GUCY1A2: variants seen among roughly 807,000 people sequenced by gnomAD.
GUCY1A2 encodes the protein guanylate cyclase 1 soluble subunit alpha 2, also known as guanylate cyclase soluble subunit alpha-2.
Under a neutral mutation model 63.5 loss-of-function variants are expected in GUCY1A2, and 27 were observed. That is an observed-to-expected ratio of 0.43 (90% CI 0.31 to 0.59). The LOEUF (loss-of-function observed/expected upper bound fraction) is 0.59, where lower values mean the gene tolerates loss of function less well. GUCY1A2 is among the 20% of genes least tolerant of loss of function. The pLI is 0.11. For synonymous variants in GUCY1A2, 364 were observed against 343.5 expected, an observed-to-expected ratio of 1.06 and a Z score of -0.66; for missense variants, 768 against 913.3, an observed-to-expected ratio of 0.84 and a Z score of 2.05.
chr11:106,723,649 C>T (rs1863355289), intron 6 of GUCY1A2, among the ~76,000 whole-genome samples: 1 of 152,176 alleles, frequency 6.6e-6, no homozygotes, highest in African/African-American at 2.4e-5. Context: ...ATGGCAAAGC[C>T]CTGTCTCTAT....
chr11:106,824,331 T>C, intron 4 of GUCY1A2: 1 of 387,512 alleles, frequency 2.6e-6, no homozygotes, highest in Non-Finnish European at 4.4e-6. Context: ...AGAGAGAAAA[T>C]ATAGTTTTCT....
At chr11:106,957,139 T>C (rs1385796841) in intron 3 of GUCY1A2, among the ~76,000 whole-genome samples, 1 of 152,178 alleles carries the variant, frequency 6.6e-6, no homozygotes, top group Non-Finnish European at 1.5e-5. Flanking sequence ...TGGCTCTAGC[T>C]CTAGCAGGGG....
At chr11:106,926,642 C>A (rs1860526817) in intron 4 of GUCY1A2, among the ~76,000 whole-genome samples, 1 of 151,682 alleles carries the variant, frequency 6.6e-6, no homozygotes, top group Admixed American at 6.6e-5. Context: ...AAAGAAGGCT[C>A]CGAACACATT....
chr11:106,995,852 T>C lies in GUCY1A2; in HGVS notation c.304-9721A>G, dbSNP rs113047489. On this transcript the variant is annotated intron_variant, in intron 1 of 7. Coordinates refer to ENST00000526355, the MANE Select transcript of GUCY1A2 (RefSeq NM_000855.3). ...TTCAGCTCATAGGTACCCTACTGGA[T>C]AGGAATGGATCTCATGAGAAAATCA... is the stretch of plus-strand genomic sequence containing the variant. Among the ~76,000 whole-genome samples the C allele has an allele frequency of 3.3e-3, 505 of 152,320 alleles. 3 individuals carry two copies. Among genetic ancestry groups the C allele is most frequent in the African/African-American group, 0.012 (485 of 41,572 alleles).
At chr11:106,963,326 A>G (rs1861084501) in intron 3 of GUCY1A2, among the ~76,000 whole-genome samples, 1 of 152,216 alleles carries the variant, frequency 6.6e-6, no homozygotes, top group Non-Finnish European at 1.5e-5. Flanking sequence ...ACAAGAAGAA[A>G]GCTACATGTC....
rs1862442418 is a variant in GUCY1A2, at chr11:106,682,086, GC to G, written c.*5462del. 4.9e-6 allele frequency: 1 copy of G among 202,802 alleles called. No individual in the cohort carries two copies. Among genetic ancestry groups the G allele is most frequent in the African/African-American group, 2.5e-5 (1 of 40,036 alleles). The allele number at this position is 202,802 out of a possible 1,614,324, so 12.6% of individuals were successfully genotyped here. On this transcript the variant is annotated 3_prime_UTR_variant, in exon 8 of 8. Coordinates refer to ENST00000526355, the MANE Select transcript of GUCY1A2 (RefSeq NM_000855.3). Reference sequence around the variant, plus strand: ...GGTACTGTATCTAGTATGCCTAATAGCCCTATAGTGAGCAATATTCATCCCT... The same window carrying G: ...GGTACTGTATCTAGTATGCCTAATAGCCTATAGTGAGCAATATTCATCCCT...
At chr11:106,792,323 T>G (rs1591279076) in intron 5 of GUCY1A2, among the ~76,000 whole-genome samples, 1 of 145,876 alleles carries the variant, frequency 6.9e-6, no homozygotes, top group African/African-American at 2.5e-5. Context: ...GAGGCAGAGG[T>G]TGGAGTGAGC....
intron 5 of GUCY1A2, among the ~76,000 whole-genome samples, chr11:106,791,415 C>T (rs557272669): frequency 1.1e-4 from 16 of 152,256 alleles, no homozygotes; most frequent in Middle Eastern, 6.8e-3. Flanking sequence ...CCTCTTTCAG[C>T]GATATGAAGT....
chr11:106,778,648 G>A (rs562024782), intron 5 of GUCY1A2, among the ~76,000 whole-genome samples: 7 of 151,768 alleles, frequency 4.6e-5, no homozygotes, highest in South Asian at 4.2e-4. Context: ...GCAACACAGC[G>A]AGACTCCATC....
chr11:107,015,105 CTCTTT>C (rs1314360764), intron 1 of GUCY1A2, among the ~76,000 whole-genome samples: 1 of 152,148 alleles, frequency 6.6e-6, no homozygotes, highest in Non-Finnish European at 1.5e-5. Flanking sequence ...TATAATCTCT[CTCTTT>C]TATTTGTGTC....
At chr11:106,899,111 A>T (rs1205170986) in intron 4 of GUCY1A2, among the ~76,000 whole-genome samples, 2 of 152,198 alleles carry the variant, frequency 1.3e-5, no homozygotes, top group Non-Finnish European at 2.9e-5. Flanking sequence ...TAAAATTTTT[A>T]AAATCTGGTG....
Position 106,737,645 on chromosome 11 carries a change from G to A in GUCY1A2, c.1837-28979C>T, listed in dbSNP as rs187999210. ...CTCCCACTTATGAGTGAGAACATGC[G>A]GTGTTTGGTTTTCTGTTCTTGTGTT... On this transcript the variant is annotated intron_variant, in intron 6 of 7. Coordinates refer to ENST00000526355, the MANE Select transcript of GUCY1A2 (RefSeq NM_000855.3). Among the ~76,000 whole-genome samples the A allele has an allele frequency of 6.3e-3, 964 of 152,138 alleles. 16 individuals are homozygous for A. The highest frequency in any genetic ancestry group is 0.021 in the African/African-American group (884 of 41,492).
chr11:106,996,897 T>C (rs1237614927), intron 1 of GUCY1A2, among the ~76,000 whole-genome samples: 1 of 152,194 alleles, frequency 6.6e-6, no homozygotes, highest in African/African-American at 2.4e-5. Flanking sequence ...CAAACGGATA[T>C]AAAACGTGCT....
intron 4 of GUCY1A2, among the ~76,000 whole-genome samples, chr11:106,849,484 G>A (rs1466562724): frequency 6.6e-6 from 1 of 151,434 alleles, no homozygotes; most frequent in African/African-American, 2.4e-5. Context: ...GGTTTAAGCT[G>A]TTGGATTTGA....
chr11:106,943,187 A>G (rs1029023674), intron 3 of GUCY1A2, among the ~76,000 whole-genome samples: 3 of 152,248 alleles, frequency 2.0e-5, no homozygotes, highest in Admixed American at 1.3e-4. Context: ...CTCAAAATTC[A>G]GAAAGCACAG....
Position 106,684,915 on chromosome 11 carries a change from T to G in GUCY1A2, c.*2634A>C, listed in dbSNP as rs1354501442. The G allele has an allele frequency of 4.9e-6, 1 of 205,856 alleles. No homozygotes were observed. The highest frequency in any genetic ancestry group is 9.9e-6 in the Non-Finnish European group (1 of 100,712). 12.8% of individuals were successfully genotyped at this position (205,856 alleles called of 1,614,324 possible). A position where few individuals can be genotyped will look rare whatever the true frequency, so the allele number is the denominator to read the frequency against. Reference sequence around the variant, plus strand: ...CAATCACAATTCCTAAGAGAAGAGATGTAGATGGCATTGTGTAGGACAAAT... The same window carrying G: ...CAATCACAATTCCTAAGAGAAGAGAGGTAGATGGCATTGTGTAGGACAAAT... On this transcript the variant is annotated 3_prime_UTR_variant, in exon 8 of 8. Coordinates refer to ENST00000526355, the MANE Select transcript of GUCY1A2 (RefSeq NM_000855.3).
intron 3 of GUCY1A2, among the ~76,000 whole-genome samples, chr11:106,978,189 C>T (rs1435896540): frequency 1.3e-5 from 2 of 152,094 alleles, no homozygotes; most frequent in South Asian, 2.1e-4. Context: ...GACAAGGCCA[C>T]AGAAAGGAAC....
chr11:106,759,463 T>C (rs1864028160), intron 6 of GUCY1A2, among the ~76,000 whole-genome samples: 1 of 152,196 alleles, frequency 6.6e-6, no homozygotes, highest in South Asian at 2.1e-4. Flanking sequence ...ATGGATGGAA[T>C]TGTGCCCTAC....
chr11:106,690,988 TTAA>T (rs1862613534), intron 7 of GUCY1A2, among the ~76,000 whole-genome samples: 1 of 152,226 alleles, frequency 6.6e-6, no homozygotes, highest in African/African-American at 2.4e-5. Context: ...TTCTTTACTA[TTAA>T]TATATAATCA....
Sources: gnomAD v4.1 joint callset for allele counts (sites outside exome capture counted in the v4.1 genomes callset) on GRCh38, gnomAD v4.1.1 for gene constraint, MANE v1.5 for transcripts, NCBI Gene and HGNC (gene_info 2026-07-23, HGNC 2026-07-21) for gene names.